Variants in GALNT13 observed in about 807,000 individuals in gnomAD.
GALNT13 encodes polypeptide N-acetylgalactosaminyltransferase 13, also known as UDP-GalNAc:polypeptide N-acetylgalactosaminyltransferase 13.
A neutral mutation model predicts 64.2 loss-of-function variants in GALNT13; 28 were observed. The ratio of observed to expected loss-of-function variants is 0.44; its 90% CI spans 0.32 to 0.60. The LOEUF (loss-of-function observed/expected upper bound fraction) is 0.60. Among genes scored for constraint, GALNT13 ranks in the 20% least tolerant of loss-of-function variants. The pLI, the probability that GALNT13 is intolerant of heterozygous loss-of-function variation, is 0.05. For synonymous variants in GALNT13, 214 were observed against 224.6 expected (o/e 0.95, Z 0.42); for missense variants, 577 against 669.8 (o/e 0.86, Z 1.53).
chr2:153,523,043 A>ATTTT, the GALNT13 span, among the ~76,000 whole-genome samples: 1,744 of 83,270 alleles, frequency 0.021, 187 homozygotes, highest in African/African-American at 0.067. Context: ...TGTGTTTACT[A>ATTTT]TTTTTTTTTT....
chr2:153,255,365 C>T, the GALNT13 span, among the ~76,000 whole-genome samples: 1 of 137,840 alleles, frequency 7.3e-6, no homozygotes, highest in East Asian at 2.0e-4. Flanking sequence ...ATGTGTGTCT[C>T]TGCACGTGAG....
chr2:153,930,067 GT>G (rs1367340920), intron 2 of GALNT13, among the ~76,000 whole-genome samples: 1 of 152,062 alleles, frequency 6.6e-6, no homozygotes, highest in Non-Finnish European at 1.5e-5. Context: ...TCTCATTGTG[GT>G]TTTGATTTGC....
chr2:154,149,405 G>C (rs1379599461), intron 4 of GALNT13, among the ~76,000 whole-genome samples: 1 of 151,790 alleles, frequency 6.6e-6, no homozygotes, highest in Non-Finnish European at 1.5e-5. Context: ...TGACTTGGTG[G>C]TGCGGGCTCT....
At chr2:153,439,145 A>T in the GALNT13 span, among the ~76,000 whole-genome samples, 1 of 152,144 alleles carries the variant, frequency 6.6e-6, no homozygotes, top group Non-Finnish European at 1.5e-5. Flanking sequence ...GATATTGGTG[A>T]ACCGCAAATG....
the GALNT13 span, among the ~76,000 whole-genome samples, chr2:153,131,508 C>T: frequency 7.3e-5 from 11 of 151,710 alleles, no homozygotes; most frequent in East Asian, 4.0e-4. Context: ...AGGATGGCCA[C>T]GTGCCCAAAG....
At chr2:154,261,021 C>T (rs1690666504) in intron 8 of GALNT13, among the ~76,000 whole-genome samples, 1 of 152,070 alleles carries the variant, frequency 6.6e-6, no homozygotes, top group Non-Finnish European at 1.5e-5. Flanking sequence ...TGGCGGGATG[C>T]TCTTTATCTA....
intron 3 of GALNT13, among the ~76,000 whole-genome samples, chr2:154,113,358 G>T (rs143567957): frequency 1.8e-4 from 27 of 152,278 alleles, no homozygotes; most frequent in African/African-American, 6.3e-4. Context: ...AGCCTTCTCC[G>T]CCTGGATTCC....
the GALNT13 span, among the ~76,000 whole-genome samples, chr2:153,406,921 C>G: frequency 1.3e-5 from 2 of 152,012 alleles, no homozygotes; most frequent in Non-Finnish European, 2.9e-5. Flanking sequence ...TCATTTTCAG[C>G]TTAAAACTGT....
At chr2:153,337,237 A>T in the GALNT13 span, among the ~76,000 whole-genome samples, 1 of 152,194 alleles carries the variant, frequency 6.6e-6, no homozygotes, top group Non-Finnish European at 1.5e-5. Context: ...AAGAAACAGA[A>T]TTTCTTGAAA....
the GALNT13 span, among the ~76,000 whole-genome samples, chr2:153,387,346 A>G: frequency 2.6e-5 from 4 of 152,216 alleles, 1 homozygote; most frequent in Non-Finnish European, 1.5e-5. Flanking sequence ...ACAAACACAC[A>G]GAACTAGATT....
At chr2:153,263,801 A>G in the GALNT13 span, among the ~76,000 whole-genome samples, 171 of 152,352 alleles carry the variant, frequency 1.1e-3, 3 homozygotes, top group South Asian at 2.7e-3. Flanking sequence ...TTAATTCAAG[A>G]TGGATTAAAG....
At chr2:153,192,584 G>A in the GALNT13 span, among the ~76,000 whole-genome samples, 2 of 152,112 alleles carry the variant, frequency 1.3e-5, no homozygotes, top group Non-Finnish European at 2.9e-5. Context: ...GTCTGTTGCT[G>A]AGAGTGGTGT....
chr2:154,204,129 C>T (rs1687313409), intron 4 of GALNT13, among the ~76,000 whole-genome samples: 1 of 152,130 alleles, frequency 6.6e-6, no homozygotes. Context: ...GCCATCCTTT[C>T]TCTGACACAT....
chr2:153,626,721 T>C, the GALNT13 span, among the ~76,000 whole-genome samples: 64,831 of 151,896 alleles, frequency 0.43, 14,411 homozygotes, highest in South Asian at 0.6. Context: ...AGTTTCAGCA[T>C]GCACCCAGTT....
chr2:153,359,630 C>CAAAAAAAAAAAAAAAAAA, the GALNT13 span, among the ~76,000 whole-genome samples: 60 of 38,240 alleles, frequency 1.6e-3, 7 homozygotes, highest in East Asian at 5.1e-3. Context: ...CAGCTTTCAG[C>CAAAAAAAAAAAAAAAAAA]AAAAAAAAAA....
chr2:154,140,715 C>T (rs1683212778), intron 4 of GALNT13, among the ~76,000 whole-genome samples: 1 of 152,082 alleles, frequency 6.6e-6, no homozygotes, highest in African/African-American at 2.4e-5. Context: ...TGCAAAGATG[C>T]TGCAAAATAC....
chr2:154,341,075 A>G (rs1246387305), intron 9 of GALNT13, among the ~76,000 whole-genome samples: 1 of 152,176 alleles, frequency 6.6e-6, no homozygotes, highest in African/African-American at 2.4e-5. Context: ...GCACACATAT[A>G]AAGTAACATA....
Position 154,252,234 on chromosome 2 carries a change from C to T in GALNT13, c.857+6252C>T, listed in dbSNP as rs1369976166. Among the ~76,000 whole-genome samples the T allele has an allele frequency of 2.0e-5, 3 of 151,728 alleles. No individual in the cohort carries two copies. In the East Asian group the frequency reaches 5.8e-4, roughly 29 times the overall value. On this transcript the variant is annotated intron_variant, in intron 7 of 12. Transcript: ENST00000392825. ...AAAAAAATAGAAGGAATGATGTTTC[C>T]AGAACTTTGAGAGAAATTGTTTATG...
At chr2:153,161,858 A>G in the GALNT13 span, among the ~76,000 whole-genome samples, 1 of 152,210 alleles carries the variant, frequency 6.6e-6, no homozygotes, top group Non-Finnish European at 1.5e-5. Context: ...ACTTGTTTCA[A>G]CACCTAACAA....
Sources: allele counts gnomAD v4.1 joint callset (sites outside exome capture counted in the v4.1 genomes callset), GRCh38; gene constraint gnomAD v4.1.1; transcripts MANE v1.5; gene names NCBI Gene and HGNC (gene_info 2026-07-23, HGNC 2026-07-21).